Variants in CNTNAP2 observed in about 807,000 individuals in gnomAD.
CNTNAP2 encodes the protein contactin-associated protein-like 2.
A neutral mutation model predicts 155.2 loss-of-function variants in CNTNAP2; 98 were observed. That is an observed-to-expected ratio of 0.63 (90% CI 0.54 to 0.75). The LOEUF (loss-of-function observed/expected upper bound fraction) is 0.75. Ranked by LOEUF, CNTNAP2 falls within the 30% of genes least tolerant of loss-of-function variation. CNTNAP2 has a pLI of 0.00. For synonymous variants in CNTNAP2, 651 were observed against 631.2 expected (o/e 1.03, Z -0.47); for missense variants, 1,727 against 1,688.1 (o/e 1.02, Z -0.40).
At chr7:148,078,022 G>T (rs1227017255) in intron 15 of CNTNAP2, among the ~76,000 whole-genome samples, 1 of 151,886 alleles carries the variant, frequency 6.6e-6, no homozygotes, top group African/African-American at 2.4e-5. Context: ...ATAGAGTATG[G>T]TTTCAGATAT....
Position 148,331,882 on chromosome 7 carries a change from G to A in CNTNAP2, c.3476-51767G>A, listed in dbSNP as rs976992299. On this transcript the variant is annotated intron_variant, in intron 21 of 23. Transcript: ENST00000361727. The stretch of plus-strand genomic sequence containing the variant: ...TACACACTGCCCTGCACATGATCAC[G>A]TTCGGTAAGTTGTGTGAGAGGGCAG... 1.5e-3 allele frequency among the ~76,000 whole-genome samples: 226 copies of A among 151,976 alleles called. 1 individual carries two copies. The highest frequency in any genetic ancestry group is 5.1e-3 in the African/African-American group (210 of 41,298).
At chr7:147,243,835 C>CT (rs927175376) in intron 8 of CNTNAP2, among the ~76,000 whole-genome samples, 4 of 151,980 alleles carry the variant, frequency 2.6e-5, no homozygotes, top group African/African-American at 9.7e-5. Flanking sequence ...AAAGTTTCTT[C>CT]TTTTTTTAAA....
intron 13 of CNTNAP2, among the ~76,000 whole-genome samples, chr7:147,793,242 T>C (rs1797847306): frequency 6.6e-6 from 1 of 152,138 alleles, no homozygotes; most frequent in African/African-American, 2.4e-5. Flanking sequence ...AAGTATCATA[T>C]CTAAGAAACC....
chr7:147,921,838 T>C (rs1356164726), intron 14 of CNTNAP2, among the ~76,000 whole-genome samples: 1 of 152,158 alleles, frequency 6.6e-6, no homozygotes, highest in Non-Finnish European at 1.5e-5. Context: ...GCAGATCTAT[T>C]CAACAAACAT....
intron 10 of CNTNAP2, among the ~76,000 whole-genome samples, chr7:147,465,921 T>A (rs748395245): frequency 4.9e-4 from 48 of 97,410 alleles, no homozygotes; most frequent in African/African-American, 2.1e-3. Flanking sequence ...TTTAAATAAG[T>A]TAATTGTATC....
rs549390267 is a variant in CNTNAP2 at position 148,212,034 on chromosome 7, G to A, written c.3011-5254G>A. On this transcript the variant is annotated intron_variant, in intron 18 of 23. Transcript: ENST00000361727. ...TAGGTTGCAAAATCCTAAGTGAAAA[G>A]GCAAAAGGAATAGAATTATTTAACT... 3.9e-5 allele frequency among the ~76,000 whole-genome samples: 6 copies of A among 152,208 alleles called. No individual in the cohort carries two copies. The East Asian group carries it at 1.2e-3, about 29-fold the overall frequency.
intron 15 of CNTNAP2, among the ~76,000 whole-genome samples, chr7:148,029,447 C>A (rs1167021438): frequency 6.6e-6 from 1 of 152,178 alleles, no homozygotes; most frequent in African/African-American, 2.4e-5. Flanking sequence ...TGACTTCCAT[C>A]TGGGACACTC....
At chr7:147,250,833 T>C (rs1804181026) in intron 8 of CNTNAP2, among the ~76,000 whole-genome samples, 1 of 152,174 alleles carries the variant, frequency 6.6e-6, no homozygotes, top group South Asian at 2.1e-4. Context: ...GGCTGAGCAG[T>C]CTGTCCGAGC....
chr7:146,834,965 T>G (rs1199566105), intron 2 of CNTNAP2, among the ~76,000 whole-genome samples: 2 of 152,140 alleles, frequency 1.3e-5, no homozygotes, highest in African/African-American at 4.8e-5. Flanking sequence ...AAGGGAACTT[T>G]TCATCGATCT....
intron 21 of CNTNAP2, among the ~76,000 whole-genome samples, chr7:148,316,203 G>T (rs912761511): frequency 6.6e-6 from 1 of 152,138 alleles, no homozygotes; most frequent in Non-Finnish European, 1.5e-5. Flanking sequence ...TGGCTTCATG[G>T]GGGGAGGAAT....
chr7:146,195,530 A>G (rs932535206), intron 1 of CNTNAP2, among the ~76,000 whole-genome samples: 5 of 152,232 alleles, frequency 3.3e-5, no homozygotes, highest in African/African-American at 4.8e-5. Flanking sequence ...CTTACTGCCA[A>G]TGATATTTAA....
At chr7:147,872,256 A>T (rs1012226962) in intron 13 of CNTNAP2, among the ~76,000 whole-genome samples, 2 of 152,242 alleles carry the variant, frequency 1.3e-5, no homozygotes, top group Non-Finnish European at 2.9e-5. Context: ...AACATATCAG[A>T]TCCAACTTTG....
chr7:146,456,699 A>C (rs2129123538), intron 1 of CNTNAP2, among the ~76,000 whole-genome samples: 1 of 152,282 alleles, frequency 6.6e-6, no homozygotes, highest in Non-Finnish European at 1.5e-5. Context: ...GATGCTGTGA[A>C]GCAATGCCTT....
chr7:148,032,589 G>A (rs1020486303), intron 15 of CNTNAP2, among the ~76,000 whole-genome samples: 1 of 152,114 alleles, frequency 6.6e-6, no homozygotes, highest in East Asian at 1.9e-4. Flanking sequence ...CAAGGGAAAC[G>A]TTCAAGGTCC....
At chr7:148,336,033 C>T (rs1798109604) in intron 21 of CNTNAP2, among the ~76,000 whole-genome samples, 1 of 152,160 alleles carries the variant, frequency 6.6e-6, no homozygotes, top group Non-Finnish European at 1.5e-5. Flanking sequence ...CCAATATCTA[C>T]ATATCCAGCC....
At chr7:147,853,252 C>G (rs182222126) in intron 13 of CNTNAP2, among the ~76,000 whole-genome samples, 128 of 152,228 alleles carry the variant, frequency 8.4e-4, no homozygotes, top group African/African-American at 2.9e-3. Flanking sequence ...TTAGAAATCA[C>G]CAAAGTAGTA....
intron 2 of CNTNAP2, among the ~76,000 whole-genome samples, chr7:146,791,512 C>CCAATCAGA (rs1802673460): frequency 6.6e-6 from 1 of 152,118 alleles, no homozygotes; most frequent in South Asian, 2.1e-4. Flanking sequence ...CCCAGAGATG[C>CCAATCAGA]CAATCAGAAC....
chr7:146,937,115 C>A (rs1796931615), intron 3 of CNTNAP2, among the ~76,000 whole-genome samples: 1 of 152,036 alleles, frequency 6.6e-6, no homozygotes, highest in Non-Finnish European at 1.5e-5. Flanking sequence ...CGGCCGGGCG[C>A]AGTGGCTCAT....
chr7:148,420,439 G>A lies in CNTNAP2; in HGVS notation c.*4823G>A, dbSNP rs372956220. ...TCATTCAATGAAATGGGGAAATCAC[G>A]TTGAGAAGTTGGTCTGTCATCTCCC... On this transcript the variant is annotated 3_prime_UTR_variant, in exon 24 of 24. Transcript: ENST00000361727. The A allele has an allele frequency of 1.3e-5, 2 of 152,130 alleles. No individual in the cohort carries two copies. Among genetic ancestry groups the A allele is most frequent in the South Asian group, 2.1e-4 (1 of 4,830 alleles). 9.4% of individuals were successfully genotyped at this position (152,130 alleles called of 1,614,324 possible).
Sources: gnomAD v4.1 joint callset for allele counts (sites outside exome capture counted in the v4.1 genomes callset) on GRCh38, gnomAD v4.1.1 for gene constraint, MANE v1.5 for transcripts, NCBI Gene and HGNC (gene_info 2026-07-23, HGNC 2026-07-21) for gene names.